Variants in KRABD5 observed in about 807,000 individuals in gnomAD.
KRABD5 encodes KRAB domain containing 5.
the KRABD5 span, among the ~76,000 whole-genome samples, chr16:31,753,206 G>T: frequency 7.2e-5 from 11 of 152,086 alleles, no homozygotes; most frequent in South Asian, 4.1e-4. Context: ...TATTAAAAAG[G>T]TTTGCTTTTT....
At chr16:31,743,081 G>A in the KRABD5 span, among the ~76,000 whole-genome samples, 136 of 152,044 alleles carry the variant, frequency 8.9e-4, no homozygotes, top group African/African-American at 3.2e-3. Flanking sequence ...TGGGTGGTTT[G>A]TAAACATTTT....
the KRABD5 span, among the ~76,000 whole-genome samples, chr16:31,734,135 G>A: frequency 6.5e-3 from 991 of 151,946 alleles, 9 homozygotes; most frequent in African/African-American, 0.023. Flanking sequence ...TTATATATAT[G>A]TGTGTGTGTT....
the KRABD5 span, among the ~76,000 whole-genome samples, chr16:31,740,011 A>G: frequency 6.6e-6 from 1 of 152,174 alleles, no homozygotes; most frequent in Admixed American, 6.5e-5. Context: ...CCTGTAAGGA[A>G]TACTTTTAGT....
the KRABD5 span, chr16:31,761,063 C>G: frequency 2.0e-5 from 3 of 152,070 alleles, no homozygotes; most frequent in Non-Finnish European, 2.9e-5. Context: ...CAGAGTTGAC[C>G]CTGAGTCCCA....
chr16:31,724,332 AAATT>A, the KRABD5 span, among the ~76,000 whole-genome samples: 1 of 152,150 alleles, frequency 6.6e-6, no homozygotes, highest in Non-Finnish European at 1.5e-5. Context: ...TAATACAAAT[AAATT>A]AATTAACATA....
At chr16:31,755,239 T>C in the KRABD5 span, 1 of 479,620 alleles carries the variant, frequency 2.1e-6, no homozygotes. Flanking sequence ...GTAGCAAATC[T>C]TTTTCTCGTT....
At chr16:31,724,286 C>T in the KRABD5 span, among the ~76,000 whole-genome samples, 3 of 151,538 alleles carry the variant, frequency 2.0e-5, no homozygotes, top group African/African-American at 7.3e-5. Flanking sequence ...GCATCCTGAT[C>T]GTTTGATTTT....
chr16:31,727,982 A>G, the KRABD5 span, among the ~76,000 whole-genome samples: 1 of 152,184 alleles, frequency 6.6e-6, no homozygotes, highest in South Asian at 2.1e-4. Context: ...CCATCTCCCA[A>G]GTAGCTGGGA....
At chr16:31,743,144 T>C in the KRABD5 span, among the ~76,000 whole-genome samples, 65 of 152,156 alleles carry the variant, frequency 4.3e-4, 2 homozygotes, top group East Asian at 0.012. Flanking sequence ...CATTTGTCAA[T>C]TTTGGTTTTC....
At chr16:31,741,162 A>G in the KRABD5 span, among the ~76,000 whole-genome samples, 1 of 152,156 alleles carries the variant, frequency 6.6e-6, no homozygotes, top group Non-Finnish European at 1.5e-5. Context: ...TTATGGCTGC[A>G]TAGTATTCCA....
chr16:31,728,423 TTATTATTATAAACTTCTG>T, the KRABD5 span, among the ~76,000 whole-genome samples: 1 of 152,180 alleles, frequency 6.6e-6, no homozygotes, highest in African/African-American at 2.4e-5. Context: ...ATGTAGAACT[TTATTATTATAAACTTCTG>T]TACTAGAACT....
At chr16:31,730,119 G>A in the KRABD5 span, among the ~76,000 whole-genome samples, 1 of 152,068 alleles carries the variant, frequency 6.6e-6, no homozygotes, top group African/African-American at 2.4e-5. Flanking sequence ...AGTGATGTTT[G>A]TAGTTTTAAT....
the KRABD5 span, chr16:31,755,865 A>G: frequency 4.1e-6 from 1 of 242,128 alleles, no homozygotes; most frequent in African/African-American, 2.3e-5. Flanking sequence ...GGACTTACAC[A>G]AAAAAGGACT....
At chr16:31,743,197 A>C in the KRABD5 span, among the ~76,000 whole-genome samples, 1 of 152,110 alleles carries the variant, frequency 6.6e-6, no homozygotes, top group Non-Finnish European at 1.5e-5. Context: ...GTCTTTGCCC[A>C]TGTCTATGTC....
At chr16:31,722,695 C>G in the KRABD5 span, 267 of 1,613,118 alleles carry the variant, frequency 1.7e-4, 2 homozygotes, top group African/African-American at 3.2e-3. Flanking sequence ...GGACTCAGAT[C>G]AGAAGCTTTT....
the KRABD5 span, among the ~76,000 whole-genome samples, chr16:31,748,347 T>C: frequency 6.6e-6 from 1 of 152,242 alleles, no homozygotes; most frequent in Non-Finnish European, 1.5e-5. Flanking sequence ...TCCATTGGTC[T>C]ATATCTCTGT....
chr16:31,716,997 G>GTTTTTTTTTTTTTTTTT, the KRABD5 span, among the ~76,000 whole-genome samples: 1 of 81,162 alleles, frequency 1.2e-5, no homozygotes, highest in Non-Finnish European at 2.3e-5. Flanking sequence ...GTCAGTCTTT[G>GTTTTTTTTTTTTTTTTT]TTTTTTTTTT....
the KRABD5 span, chr16:31,723,233 C>T: frequency 6.2e-6 from 10 of 1,606,176 alleles, no homozygotes; most frequent in Non-Finnish European, 7.7e-6. Flanking sequence ...CAGCAAGAGT[C>T]ATGTGACTTT....
the KRABD5 span, chr16:31,754,217 C>T: frequency 1.5e-4 from 98 of 665,652 alleles, 2 homozygotes; most frequent in Middle Eastern, 7.6e-4. Context: ...GATTTAAAAA[C>T]GAGGAGGTGA....
Sources: allele counts gnomAD v4.1 joint callset (sites outside exome capture counted in the v4.1 genomes callset), GRCh38; gene constraint gnomAD v4.1.1; transcripts MANE v1.5; gene names NCBI Gene and HGNC (gene_info 2026-07-23, HGNC 2026-07-21).